KSR1: variants seen among roughly 807,000 people sequenced by gnomAD.
The protein encoded by KSR1 is kinase suppressor of ras.
KSR1 carries 35 observed loss-of-function variants against 92.9 expected under a neutral mutation model. The observed-to-expected ratio is 0.38, with a 90% CI of 0.29 to 0.50. The LOEUF is 0.50. KSR1 is among the 20% of genes least tolerant of loss of function. The probability of loss-of-function intolerance (pLI) is 0.94; values close to 1 mark genes in which losing one functional copy is unlikely to be tolerated. For missense variants in KSR1, 972 were observed against 1,158.5 expected, an observed-to-expected ratio of 0.84 and a Z score of 2.34; for synonymous variants, 467 against 472.6, an observed-to-expected ratio of 0.99 and a Z score of 0.15.
intron 1 of KSR1, among the ~76,000 whole-genome samples, chr17:27,530,390 AG>A (rs754670000): frequency 1.6e-4 from 25 of 151,822 alleles, no homozygotes; most frequent in Non-Finnish European, 3.1e-4. Flanking sequence ...GGCTACACTG[AG>A]CCGTGATTAC....
chr17:27,618,891 T>TCA (rs2074137993), intron 19 of KSR1, among the ~76,000 whole-genome samples: 1 of 152,204 alleles, frequency 6.6e-6, no homozygotes, highest in Non-Finnish European at 1.5e-5. Context: ...AGATGAGGTC[T>TCA]CACTATGTTG....
chr17:27,497,205 A>G (rs1350406513), intron 1 of KSR1, among the ~76,000 whole-genome samples: 7 of 152,190 alleles, frequency 4.6e-5, no homozygotes, highest in Admixed American at 3.3e-4. Flanking sequence ...TCGGTAACCC[A>G]TTTCATTCTT....
intron 4 of KSR1, among the ~76,000 whole-genome samples, chr17:27,585,388 C>T (rs562369430): frequency 5.9e-5 from 9 of 152,266 alleles, no homozygotes; most frequent in East Asian, 1.9e-4. Flanking sequence ...GCGAGGCTTA[C>T]GTAAGCTAAT....
intron 1 of KSR1, among the ~76,000 whole-genome samples, chr17:27,512,664 A>T (rs947741912): frequency 6.6e-6 from 1 of 152,230 alleles, no homozygotes; most frequent in African/African-American, 2.4e-5. Flanking sequence ...CGGAGGTTGC[A>T]GTGAGCTGAG....
rs759491981 is a variant in KSR1 at position 27,605,775 on chromosome 17, G to A, written c.1956G>A (p.Gly652=). 7 of 1,612,588 alleles carry A rather than the reference G, an allele frequency of 4.3e-6. No homozygotes were observed. The African/African-American group carries it at 9.3e-5, about 22-fold the overall frequency. The change falls in exon 14 of 21, where the codon GGG becomes GGA. Residue 652 remains glycine (G), a synonymous_variant. Coordinates refer to ENST00000644974, the MANE Select transcript of KSR1 (RefSeq NM_001394583.1). ...TRHENVVLFM[G]ACMNPPHLAI... is the part of the protein sequence containing the mutation. Reference sequence around the variant, plus strand: ...ATGAGAACGTGGTGCTCTTCATGGGGGCCTGCATGAACCCGCCCCACCTGG... The same window carrying A: ...ATGAGAACGTGGTGCTCTTCATGGGAGCCTGCATGAACCCGCCCCACCTGG...
intron 2 of KSR1, among the ~76,000 whole-genome samples, chr17:27,563,976 G>T (rs1294884591): frequency 1.6e-5 from 2 of 122,030 alleles, no homozygotes; most frequent in African/African-American, 3.2e-5. Flanking sequence ...GTTGGTATTC[G>T]GTAGCTTTTT....
intron 1 of KSR1, among the ~76,000 whole-genome samples, chr17:27,500,693 A>G (rs1031351688): frequency 6.6e-6 from 1 of 152,228 alleles, no homozygotes; most frequent in Non-Finnish European, 1.5e-5. Context: ...ACACATTGGA[A>G]GAGATGTTGA....
intron 6 of KSR1, 121 bp from the exon 7 acceptor site, chr17:27,590,690 C>A: frequency 1.2e-6 from 1 of 847,262 alleles, no homozygotes; most frequent in Non-Finnish European, 1.9e-6. Flanking sequence ...GGGAGGGGGC[C>A]AAGGGGCTCT....
chr17:27,565,355 C>T (rs907338584), intron 2 of KSR1, among the ~76,000 whole-genome samples: 9 of 152,212 alleles, frequency 5.9e-5, no homozygotes, highest in African/African-American at 1.9e-4. Flanking sequence ...ATTCACTCCT[C>T]TCAGTAACTG....
intron 2 of KSR1, among the ~76,000 whole-genome samples, chr17:27,564,248 C>T (rs929849642): frequency 6.6e-6 from 1 of 152,172 alleles, no homozygotes; most frequent in African/African-American, 2.4e-5. Flanking sequence ...GCCTCGGCCT[C>T]CCAAAGTGTT....
chr17:27,591,623 G>A (rs2073170067), intron 7 of KSR1, among the ~76,000 whole-genome samples: 1 of 152,176 alleles, frequency 6.6e-6, no homozygotes, highest in Non-Finnish European at 1.5e-5. Flanking sequence ...CATATCAGCT[G>A]GACCCATTAC....
chr17:27,506,742 G>C (rs1284795043), intron 1 of KSR1, among the ~76,000 whole-genome samples: 4 of 148,168 alleles, frequency 2.7e-5, no homozygotes, highest in Non-Finnish European at 5.9e-5. Context: ...AGCTCCCTAG[G>C]GGATGCTTTG....
intron 1 of KSR1, among the ~76,000 whole-genome samples, chr17:27,486,820 T>A (rs1438031852): frequency 6.6e-6 from 1 of 152,200 alleles, no homozygotes. Flanking sequence ...AACACGGGAC[T>A]GCAGGTGGGA....
At position 27,603,477 on chromosome 17, in the gene KSR1, A is replaced by C. The variant is rs541848608; in HGVS notation, c.1511-357A>C. On this transcript the variant is annotated intron_variant, in intron 11 of 20. Coordinates refer to ENST00000644974, the MANE Select transcript of KSR1 (RefSeq NM_001394583.1). Reference sequence around the variant, plus strand: ...CAGCTTTAGCCAGCCTGTCCAGTAAATGAGAGCCCAGTTTGCTTTTACCAC... The same window carrying C: ...CAGCTTTAGCCAGCCTGTCCAGTAACTGAGAGCCCAGTTTGCTTTTACCAC... Among the ~76,000 whole-genome samples the C allele has an allele frequency of 2.2e-4, 34 of 152,326 alleles. No individual in the cohort carries two copies. In the South Asian group the frequency reaches 6.4e-3, roughly 29 times the overall value.
In KSR1 at chr17:27,540,810, G is replaced by A. The variant is rs2070936622; in HGVS notation, c.232-9758G>A. 2.6e-5 allele frequency among the ~76,000 whole-genome samples: 4 copies of A among 152,354 alleles called. No individual in the cohort carries two copies. In the South Asian group the frequency reaches 6.2e-4, roughly 24 times the overall value. On this transcript the variant is annotated intron_variant, in intron 1 of 20. Coordinates refer to ENST00000644974, the MANE Select transcript of KSR1 (RefSeq NM_001394583.1). The stretch of plus-strand genomic sequence containing the variant: ...TGGGTGCTATGGTCGCTGCGTGCCT[G>A]TGCGTGGAACTGTCAGCTGCATCAC...
chr17:27,583,989 C>T lies in KSR1; in HGVS notation c.980+884C>T, dbSNP rs2072874803. On this transcript the variant is annotated intron_variant, in intron 4 of 20. Transcript: ENST00000644974. ...AATTAATTAAACCCCATTTGTTTGACTTGTTCATATTATTTCGTTGTATAG... is the reference window on the plus strand; with the variant it reads ...AATTAATTAAACCCCATTTGTTTGATTTGTTCATATTATTTCGTTGTATAG... 5 of 984,128 alleles carry T rather than the reference C, an allele frequency of 5.1e-6. No individual in the cohort carries two copies. In the South Asian group the frequency reaches 2.4e-4, roughly 46 times the overall value. 61.0% of individuals were successfully genotyped at this position (984,128 alleles called of 1,614,324 possible). A position where few individuals can be genotyped will look rare whatever the true frequency, so the allele number is the denominator to read the frequency against.
intron 10 of KSR1, among the ~76,000 whole-genome samples, chr17:27,599,496 G>A (rs1317954407): frequency 6.6e-6 from 1 of 152,208 alleles, no homozygotes; most frequent in Non-Finnish European, 1.5e-5. Context: ...TGTGGAGGTT[G>A]CAGTGAGCTG....
intron 2 of KSR1, among the ~76,000 whole-genome samples, chr17:27,575,346 G>T (rs1195791846): frequency 6.6e-6 from 1 of 152,186 alleles, no homozygotes; most frequent in African/African-American, 2.4e-5. Context: ...ACCATATAGG[G>T]TAACTTCTGG....
At chr17:27,601,184 C>T in intron 10 of KSR1, 176 bp from the exon 11 acceptor site, 1 of 598,434 alleles carries the variant, frequency 1.7e-6, no homozygotes, top group South Asian at 2.1e-5. Context: ...CCATTTTCTC[C>T]CAGCTCTTTT....
Sources: allele counts gnomAD v4.1 joint callset (sites outside exome capture counted in the v4.1 genomes callset), GRCh38; gene constraint gnomAD v4.1.1; transcripts MANE v1.5; gene names NCBI Gene and HGNC (gene_info 2026-07-23, HGNC 2026-07-21).